Variants in TRIM9 observed in about 807,000 individuals in gnomAD.
The protein encoded by TRIM9 is tripartite motif containing 9.
A neutral mutation model predicts 78.3 loss-of-function variants in TRIM9; 26 were observed. The observed-to-expected ratio is 0.33, with a 90% CI of 0.24 to 0.46. The LOEUF (loss-of-function observed/expected upper bound fraction) is 0.46, where lower values mean the gene tolerates loss of function less well. Ranked by LOEUF, TRIM9 falls within the 20% of genes least tolerant of loss-of-function variation. The probability of loss-of-function intolerance (pLI) is 1.00; values close to 1 mark genes in which losing one functional copy is unlikely to be tolerated. For synonymous variants in TRIM9, 398 were observed against 416.5 expected, an observed-to-expected ratio of 0.96 and a Z score of 0.54; for missense variants, 787 against 1,036.4, an observed-to-expected ratio of 0.76 and a Z score of 3.30.
chr14:50,999,836 T>A (rs1284129460), intron 6 of TRIM9, among the ~76,000 whole-genome samples: 1 of 151,934 alleles, frequency 6.6e-6, no homozygotes, highest in Non-Finnish European at 1.5e-5. Flanking sequence ...AGGGAGAGGA[T>A]GGATGAGAAT....
chr14:51,071,479 C>A (rs1211830129), intron 1 of TRIM9, among the ~76,000 whole-genome samples: 1 of 151,330 alleles, frequency 6.6e-6, no homozygotes, highest in East Asian at 1.9e-4. Flanking sequence ...TACCTGGGTA[C>A]CAGTTGCTCA....
At chr14:50,986,366 ATTG>A (rs2052714904) in intron 7 of TRIM9, 2 of 372,034 alleles carry the variant, frequency 5.4e-6, no homozygotes, top group East Asian at 3.9e-5. Flanking sequence ...AACAAAGGCA[ATTG>A]TTGTCACTTT....
chr14:51,093,265 C>A (rs1173066771), intron 1 of TRIM9, among the ~76,000 whole-genome samples: 3 of 152,212 alleles, frequency 2.0e-5, no homozygotes, highest in African/African-American at 7.2e-5. Flanking sequence ...AAAGATAAAT[C>A]TGGTAACAGG....
chr14:50,983,944 T>C (rs1269630433), intron 8 of TRIM9, among the ~76,000 whole-genome samples: 1 of 152,178 alleles, frequency 6.6e-6, no homozygotes, highest in Non-Finnish European at 1.5e-5. Flanking sequence ...ACATGACGAA[T>C]GTGTTAAAAC....
At chr14:51,057,828 A>G (rs1314305055) in intron 1 of TRIM9, among the ~76,000 whole-genome samples, 2 of 152,224 alleles carry the variant, frequency 1.3e-5, no homozygotes, top group African/African-American at 4.8e-5. Flanking sequence ...AGATGAAAAC[A>G]TTCATATAAG....
At position 51,009,996 on chromosome 14, in the gene TRIM9, T is replaced by A. The variant is rs887768946; in HGVS notation, c.1152+388A>T. Among the ~76,000 whole-genome samples, 8 of 152,132 alleles carry A rather than the reference T, an allele frequency of 5.3e-5. No individual in the cohort carries two copies. In the East Asian group the frequency reaches 1.5e-3, roughly 29 times the overall value. ...GTAGACATCTTACAAACTTAGACACTTAGACATCTGACAAAACTGCCCAAG... is the reference window on the plus strand; with the variant it reads ...GTAGACATCTTACAAACTTAGACACATAGACATCTGACAAAACTGCCCAAG... On this transcript the variant is annotated intron_variant, in intron 4 of 12. Coordinates refer to ENST00000684578, the MANE Select transcript of TRIM9 (RefSeq NM_001387360.1).
At chr14:50,991,552 T>A (rs888336837) in intron 7 of TRIM9, among the ~76,000 whole-genome samples, 1 of 152,212 alleles carries the variant, frequency 6.6e-6, no homozygotes, top group Non-Finnish European at 1.5e-5. Context: ...CATCTTTCAG[T>A]AGACCATATA....
At chr14:51,041,944 C>T (rs1370735582) in intron 1 of TRIM9, among the ~76,000 whole-genome samples, 3 of 152,220 alleles carry the variant, frequency 2.0e-5, no homozygotes, top group East Asian at 1.9e-4. Flanking sequence ...CTTGTATCGC[C>T]GAATCCATTA....
chr14:51,062,806 T>C (rs2061449363), intron 1 of TRIM9, among the ~76,000 whole-genome samples: 1 of 152,146 alleles, frequency 6.6e-6, no homozygotes, highest in African/African-American at 2.4e-5. Context: ...GAAACAGCTG[T>C]TAACAGTAAA....
At chr14:50,981,077 AG>A (rs2051824603) in intron 11 of TRIM9, among the ~76,000 whole-genome samples, 1 of 152,056 alleles carries the variant, frequency 6.6e-6, no homozygotes, top group African/African-American at 2.4e-5. Context: ...TTCTCTGCCT[AG>A]GAAATTTGTG....
intron 4 of TRIM9, among the ~76,000 whole-genome samples, chr14:51,009,472 T>C (rs1186157675): frequency 6.6e-6 from 1 of 152,232 alleles, no homozygotes; most frequent in Admixed American, 6.5e-5. Flanking sequence ...AGGTGTTAAC[T>C]GATTTATTAG....
intron 3 of TRIM9, among the ~76,000 whole-genome samples, chr14:51,022,030 C>T (rs2057802289): frequency 6.6e-6 from 1 of 152,180 alleles, no homozygotes; most frequent in Non-Finnish European, 1.5e-5. Flanking sequence ...TCCAAAATTT[C>T]CACCCCTATC....
intron 11 of TRIM9, 37 bp downstream of exon 11, chr14:50,981,763 A>G: frequency 1.9e-6 from 3 of 1,610,948 alleles, no homozygotes; most frequent in Non-Finnish European, 2.5e-6. Context: ...ATCAGAAGCC[A>G]ACGTGAAGAA....
chr14:51,025,186 AAG>A (rs1208578402), intron 2 of TRIM9, 77 bp downstream of exon 2: 3 of 1,273,892 alleles, frequency 2.4e-6, no homozygotes, highest in Non-Finnish European at 3.4e-6. Flanking sequence ...ATAAAAATAA[AAG>A]AGGAGAAGGA....
At chr14:51,011,805 T>C (rs1037977822) in intron 3 of TRIM9, among the ~76,000 whole-genome samples, 3 of 152,220 alleles carry the variant, frequency 2.0e-5, no homozygotes, top group African/African-American at 7.2e-5. Context: ...TTTTAGTTTT[T>C]CTCTGGAATC....
chr14:51,037,182 A>C (rs1002387740), intron 1 of TRIM9, among the ~76,000 whole-genome samples: 2 of 152,204 alleles, frequency 1.3e-5, no homozygotes, highest in Non-Finnish European at 2.9e-5. Flanking sequence ...GAAATTAAGA[A>C]GCGCCATTCT....
Position 50,981,852 on chromosome 14 carries a change from A to G in TRIM9, c.2110T>C (p.Tyr704His), listed in dbSNP as rs370943141. 8 of 1,614,090 alleles carry G rather than the reference A, an allele frequency of 5.0e-6. No individual in the cohort carries two copies. Among genetic ancestry groups the G allele is most frequent in the African/African-American group, 1.3e-5 (1 of 74,928 alleles). The change falls in exon 11 of 13, where the codon TAT becomes CAT. Residue 704 changes from tyrosine to histidine, a missense_variant. By Grantham distance (83) the Tyr-to-His change is moderately conservative. Transcript: ENST00000684578. Reference protein sequence around the residue: ...LGKDDKAWAMYVDNNRSWFMH... With the variant: ...LGKDDKAWAMHVDNNRSWFMH... ...AACCAGCTCCGGTTATTGTCCACATACATTGCCCAAGCTTTGTCGTCTTTT... is the reference window on the plus strand; with the variant it reads ...AACCAGCTCCGGTTATTGTCCACATGCATTGCCCAAGCTTTGTCGTCTTTT...
At chr14:51,050,031 G>T (rs78904768) in intron 1 of TRIM9, among the ~76,000 whole-genome samples, 1 of 151,904 alleles carries the variant, frequency 6.6e-6, no homozygotes, top group Non-Finnish European at 1.5e-5. Flanking sequence ...GGAAGTAAAC[G>T]ATGCAGAGCC....
chr14:50,990,598 C>G (rs2053376459), intron 7 of TRIM9, among the ~76,000 whole-genome samples: 1 of 152,114 alleles, frequency 6.6e-6, no homozygotes, highest in African/African-American at 2.4e-5. Context: ...TTTTTGGAAT[C>G]TAAAGAGGAA....
Sources: allele counts gnomAD v4.1 joint callset (sites outside exome capture counted in the v4.1 genomes callset), GRCh38; gene constraint gnomAD v4.1.1; transcripts MANE v1.5; gene names NCBI Gene and HGNC (gene_info 2026-07-23, HGNC 2026-07-21).